The following NRG3 variants were observed in gnomAD, a reference collection of about 807,000 sequenced individuals.
The protein encoded by NRG3 is pro-neuregulin-3, membrane-bound isoform.
In NRG3, 31 loss-of-function variants were observed where a neutral mutation model predicts 66.9. The ratio of observed to expected loss-of-function variants is 0.46; its 90% CI spans 0.35 to 0.63. NRG3 has a LOEUF of 0.63. Among genes scored for constraint, NRG3 ranks in the 20% least tolerant of loss-of-function variants. The pLI is 0.00. For synonymous variants in NRG3, 393 were observed against 359.4 expected, an observed-to-expected ratio of 1.09 and a Z score of -1.06; for missense variants, 910 against 878.9, an observed-to-expected ratio of 1.04 and a Z score of -0.45.
intron 1 of NRG3, among the ~76,000 whole-genome samples, chr10:82,199,889 CGTGTGTGTGTGT>C (rs71007301): frequency 1.4e-5 from 2 of 142,704 alleles, no homozygotes; most frequent in African/African-American, 5.1e-5. Flanking sequence ...TGTGTGTGTG[CGTGTGTGTGTGT>C]GTGTGTGTGT....
intron 1 of NRG3, among the ~76,000 whole-genome samples, chr10:82,116,068 G>T (rs1027013872): frequency 6.6e-6 from 1 of 152,054 alleles, no homozygotes; most frequent in African/African-American, 2.4e-5. Context: ...ATCAAATTTT[G>T]TACAAGTAGA....
chr10:82,722,684 A>T (rs1444749962), intron 2 of NRG3, among the ~76,000 whole-genome samples: 1 of 152,150 alleles, frequency 6.6e-6, no homozygotes, highest in Admixed American at 6.5e-5. Flanking sequence ...AATTTCACAT[A>T]TATAAATAGC....
chr10:82,855,125 C>T (rs908309672), intron 3 of NRG3, among the ~76,000 whole-genome samples: 1 of 152,106 alleles, frequency 6.6e-6, no homozygotes, highest in Non-Finnish European at 1.5e-5. Context: ...GAGTGCAGCT[C>T]AGAGCAGTGT....
intron 2 of NRG3, among the ~76,000 whole-genome samples, chr10:82,588,572 G>T (rs2086479): frequency 0.1 from 15,552 of 151,700 alleles, 971 homozygotes; most frequent in South Asian, 0.22. Flanking sequence ...GGACAATCTC[G>T]GCTTACTGCA....
intron 1 of NRG3, among the ~76,000 whole-genome samples, chr10:82,166,038 T>C (rs1235221960): frequency 6.6e-6 from 1 of 152,104 alleles, no homozygotes; most frequent in African/African-American, 2.4e-5. Context: ...TTAATTTTTT[T>C]TGTGATGGAG....
chr10:82,156,313 T>A (rs1041411082), intron 1 of NRG3, among the ~76,000 whole-genome samples: 1 of 151,584 alleles, frequency 6.6e-6, no homozygotes, highest in African/African-American at 2.4e-5. Context: ...GAGATATACC[T>A]GAATTTCAGT....
chr10:82,850,567 C>T lies in NRG3; in HGVS notation c.1028-14844C>T, dbSNP rs567017415. 3.9e-5 allele frequency among the ~76,000 whole-genome samples: 6 copies of T among 152,182 alleles called. No homozygotes were observed. The South Asian group carries it at 1.2e-3, about 32-fold the overall frequency. ...TTGACACCAAATAAAATATCAAATG[C>T]TGGTAGCAAGAATGATCCAATAGGA... On this transcript the variant is annotated intron_variant, in intron 3 of 8. Transcript: ENST00000372141.
chr10:82,380,706 GT>G (rs1353955436), intron 2 of NRG3, among the ~76,000 whole-genome samples: 1 of 152,118 alleles, frequency 6.6e-6, no homozygotes, highest in Non-Finnish European at 1.5e-5. Flanking sequence ...AGGGATTCTA[GT>G]AGAAGTGTAC....
chr10:82,704,526 A>G (rs1479941996), intron 2 of NRG3, among the ~76,000 whole-genome samples: 1 of 152,160 alleles, frequency 6.6e-6, no homozygotes, highest in Non-Finnish European at 1.5e-5. Flanking sequence ...AACACTACCA[A>G]AGGAGGAACT....
intron 3 of NRG3, among the ~76,000 whole-genome samples, chr10:82,864,378 A>G (rs1018759026): frequency 6.6e-6 from 1 of 152,148 alleles, no homozygotes; most frequent in Non-Finnish European, 1.5e-5. Context: ...AGGCATTGAA[A>G]TCTGGGTAAC....
intron 2 of NRG3, among the ~76,000 whole-genome samples, chr10:82,608,665 C>G (rs935039546): frequency 6.6e-6 from 1 of 152,120 alleles, no homozygotes; most frequent in African/African-American, 2.4e-5. Flanking sequence ...TTCTCAACCC[C>G]TCTTCCCTTT....
rs191933969 is a variant in NRG3 at position 82,754,679 on chromosome 10, C to A, written c.1027+16029C>A. ...CCTCAACCCAATTTAATTAGCTTTACCTTGAGATCCAGAGACCAATCCTGT... is the reference window on the plus strand; with the variant it reads ...CCTCAACCCAATTTAATTAGCTTTAACTTGAGATCCAGAGACCAATCCTGT... On this transcript the variant is annotated intron_variant, in intron 3 of 8. Coordinates refer to ENST00000372141, the MANE Select transcript of NRG3 (RefSeq NM_001010848.4). Among the ~76,000 whole-genome samples the A allele has an allele frequency of 1.6e-3, 243 of 152,192 alleles. 1 individual carries two copies. Among genetic ancestry groups the A allele is most frequent in the Middle Eastern group, 6.8e-3 (2 of 294 alleles).
chr10:82,869,720 G>C (rs1348981562), intron 4 of NRG3, among the ~76,000 whole-genome samples: 1 of 151,754 alleles, frequency 6.6e-6, no homozygotes, highest in Non-Finnish European at 1.5e-5. Flanking sequence ...CCATTCTCCT[G>C]CCTCAGCCTC....
chr10:82,631,834 G>A (rs1344218788), intron 2 of NRG3, among the ~76,000 whole-genome samples: 4 of 152,010 alleles, frequency 2.6e-5, no homozygotes, highest in Non-Finnish European at 4.4e-5. Context: ...AGGTGTGGTG[G>A]CTCACACCTG....
At chr10:82,956,327 C>T (rs756494252) in intron 5 of NRG3, among the ~76,000 whole-genome samples, 4 of 152,068 alleles carry the variant, frequency 2.6e-5, no homozygotes, top group Non-Finnish European at 5.9e-5. Flanking sequence ...AGAGCAATGC[C>T]TCTCATGAGA....
intron 2 of NRG3, among the ~76,000 whole-genome samples, chr10:82,414,247 A>G (rs1296765193): frequency 6.6e-6 from 1 of 152,070 alleles, no homozygotes; most frequent in East Asian, 1.9e-4. Flanking sequence ...AATTGGCCTA[A>G]TTTTAATATT....
chr10:82,598,976 G>A lies in NRG3; in HGVS notation c.954-139601G>A, dbSNP rs148136113. ...GAGGCAGGAGAATTGCTTGAACACA[G>A]GAGGTGGAGGTTGCAGTGAGCCGAG... On this transcript the variant is annotated intron_variant, in intron 2 of 8. Coordinates refer to ENST00000372141, the MANE Select transcript of NRG3 (RefSeq NM_001010848.4). Among the ~76,000 whole-genome samples the A allele has an allele frequency of 2.5e-3, 381 of 152,264 alleles. 10 individuals carry two copies. In the East Asian group the frequency reaches 0.063, roughly 25 times the overall value.
chr10:82,482,829 G>A (rs1431111840), intron 2 of NRG3, among the ~76,000 whole-genome samples: 4 of 152,176 alleles, frequency 2.6e-5, no homozygotes, highest in South Asian at 2.1e-4. Context: ...GTGAGTAGGA[G>A]ATTGTGGTTG....
At chr10:82,066,366 T>C (rs10732795) in intron 1 of NRG3, among the ~76,000 whole-genome samples, 135,636 of 152,224 alleles carry the variant, frequency 0.89, 60,558 homozygotes, top group East Asian at 1. Flanking sequence ...GCATATATTT[T>C]GTGTAAATGT....
Sources: gnomAD v4.1 joint callset for allele counts (sites outside exome capture counted in the v4.1 genomes callset) on GRCh38, gnomAD v4.1.1 for gene constraint, MANE v1.5 for transcripts, NCBI Gene and HGNC (gene_info 2026-07-23, HGNC 2026-07-21) for gene names.